GPAT3: variants seen among roughly 807,000 people sequenced by gnomAD.
GPAT3 encodes 1-AGP acyltransferase 9.
Under a neutral mutation model 58.8 loss-of-function variants are expected in GPAT3, and 53 were observed. The ratio of observed to expected loss-of-function variants is 0.90; its 90% CI spans 0.72 to 1.13. The LOEUF (loss-of-function observed/expected upper bound fraction) is 1.13. Among genes scored for constraint, GPAT3 ranks in the 50% most tolerant of loss-of-function variants. The pLI, the probability that GPAT3 is intolerant of heterozygous loss-of-function variation, is 0.00. For synonymous variants in GPAT3, 197 were observed against 187.4 expected (o/e 1.05, Z -0.42); for missense variants, 511 against 527.6 (o/e 0.97, Z 0.31).
intron 3 of GPAT3, among the ~76,000 whole-genome samples, chr4:83,582,875 A>G (rs1292575890): frequency 2.0e-5 from 3 of 152,112 alleles, no homozygotes; most frequent in East Asian, 3.9e-4. Flanking sequence ...AGCGAAATTC[A>G]AGGTTTCACA....
At chr4:83,586,845 G>T (rs1319396508) in intron 3 of GPAT3, among the ~76,000 whole-genome samples, 2 of 152,198 alleles carry the variant, frequency 1.3e-5, no homozygotes, top group Admixed American at 6.5e-5. Context: ...CTACATGGTG[G>T]TATATTTTGG....
Position 83,566,408 on chromosome 4 carries a change from AAATT to A in GPAT3, c.209-15145_209-15142del, listed in dbSNP as rs200693989. ...TTTCCTATTTATTCTTTTTTTTAAA[AAATT>A]AATTAATTTATTATTATTATTATTA... On this transcript the variant is annotated intron_variant, in intron 2 of 11. Coordinates refer to ENST00000264409, the MANE Select transcript of GPAT3 (RefSeq NM_032717.5). 7.7e-3 allele frequency among the ~76,000 whole-genome samples: 1,066 copies of A among 138,010 alleles called. 16 individuals carry two copies. The highest frequency in any genetic ancestry group is 0.028 in the African/African-American group (983 of 34,548). 90.5% of individuals were successfully genotyped at this position (138,010 alleles called of 152,430 possible).
chr4:83,554,140 T>A (rs1724862574), intron 2 of GPAT3, among the ~76,000 whole-genome samples: 2 of 152,128 alleles, frequency 1.3e-5, no homozygotes, highest in African/African-American at 4.8e-5. Flanking sequence ...ACTACAGGTA[T>A]GCACTACCAA....
rs1231636187 is a variant in GPAT3 at position 83,594,835 on chromosome 4, C to G, written c.739-10C>G. 6.2e-7 allele frequency: 1 copy of G among 1,609,712 alleles called. No individual in the cohort carries two copies. The highest frequency in any genetic ancestry group is 1.3e-5 in the African/African-American group (1 of 74,650). On this transcript the variant is annotated splice_polypyrimidine_tract_variant and intron_variant, in intron 6 of 11. Transcript: ENST00000264409. ...TTTTACGTTTTTTCCTTTTCTTATG[C>G]TACTTCTAGGTTGGCCAGGTTCATG...
intron 5 of GPAT3, 112 bp from the exon 6 acceptor site, chr4:83,590,087 G>T: frequency 1.1e-6 from 1 of 894,342 alleles, no homozygotes. Context: ...AGTGAGACGC[G>T]AAAAAAAAAA....
chr4:83,555,705 C>T (rs1724919935), intron 2 of GPAT3, among the ~76,000 whole-genome samples: 1 of 152,188 alleles, frequency 6.6e-6, no homozygotes, highest in South Asian at 2.1e-4. Context: ...ACTATGGGAA[C>T]GCTCAATTTA....
intron 2 of GPAT3, among the ~76,000 whole-genome samples, chr4:83,551,148 T>C (rs1050026923): frequency 7.9e-5 from 12 of 152,198 alleles, no homozygotes; most frequent in African/African-American, 2.4e-4. Flanking sequence ...TACAAGTGTT[T>C]ACAACCAGTG....
chr4:83,547,398 G>A (rs546953966), intron 2 of GPAT3, among the ~76,000 whole-genome samples: 23 of 151,444 alleles, frequency 1.5e-4, no homozygotes, highest in African/African-American at 3.2e-4. Context: ...GACTACAGGT[G>A]CCCGCCACCA....
chr4:83,583,901 G>A (rs1268901868), intron 3 of GPAT3, among the ~76,000 whole-genome samples: 3 of 151,972 alleles, frequency 2.0e-5, no homozygotes, highest in Admixed American at 6.6e-5. Flanking sequence ...ACTTGAACCC[G>A]GGAGGCGGAG....
At chr4:83,587,390 CA>C in intron 4 of GPAT3, 61 bp downstream of exon 4, 1 of 1,393,978 alleles carries the variant, frequency 7.2e-7, no homozygotes, top group Admixed American at 2.0e-5. Context: ...GCTGTGTCCA[CA>C]AAGAGAATAT....
intron 2 of GPAT3, among the ~76,000 whole-genome samples, chr4:83,547,246 C>CTTT (rs10618385): frequency 3.3e-3 from 268 of 82,200 alleles, no homozygotes; most frequent in Middle Eastern, 9.4e-3. Context: ...TTCTACTGCT[C>CTTT]TTTTTTTTTT....
At chr4:83,570,994 T>C (rs1217749405) in intron 2 of GPAT3, among the ~76,000 whole-genome samples, 1 of 152,198 alleles carries the variant, frequency 6.6e-6, no homozygotes, top group Non-Finnish European at 1.5e-5. Context: ...GTCCCAGTGG[T>C]ACTCTCTCTT....
At position 83,584,049 on chromosome 4, in the gene GPAT3, A is replaced by C. The variant is rs562378843; in HGVS notation, c.479+2217A>C. ...TTAATATATGGATTGGTTCGTATCC[A>C]AGGTAACCTGAAGGAAGAATGAGGA... On this transcript the variant is annotated intron_variant, in intron 3 of 11. Coordinates refer to ENST00000264409, the MANE Select transcript of GPAT3 (RefSeq NM_032717.5). Among the ~76,000 whole-genome samples, 17 of 152,310 alleles carry C rather than the reference A, an allele frequency of 1.1e-4. No homozygotes were observed. In the East Asian group the frequency reaches 3.3e-3, roughly 29 times the overall value.
At chr4:83,578,669 A>T (rs1725906511) in intron 2 of GPAT3, among the ~76,000 whole-genome samples, 2 of 152,162 alleles carry the variant, frequency 1.3e-5, no homozygotes, top group Admixed American at 1.3e-4. Flanking sequence ...GCCAGTACTT[A>T]GATTGAGTAA....
At chr4:83,575,378 TTC>T (rs995011577) in intron 2 of GPAT3, among the ~76,000 whole-genome samples, 1 of 152,128 alleles carries the variant, frequency 6.6e-6, no homozygotes, top group African/African-American at 2.4e-5. Flanking sequence ...ACATTATGTT[TTC>T]AGTCATGCTC....
intron 2 of GPAT3, among the ~76,000 whole-genome samples, chr4:83,557,132 C>T (rs1185334348): frequency 1.3e-5 from 2 of 152,208 alleles, no homozygotes; most frequent in African/African-American, 4.8e-5. Context: ...ACACACTAGT[C>T]TTGGCAGATG....
chr4:83,543,929 A>G (rs1469724179), intron 1 of GPAT3, among the ~76,000 whole-genome samples: 1 of 152,094 alleles, frequency 6.6e-6, no homozygotes, highest in Non-Finnish European at 1.5e-5. Context: ...GCATGAGCCA[A>G]TCGTGCCTTA....
At chr4:83,567,685 C>T (rs1037700055) in intron 2 of GPAT3, among the ~76,000 whole-genome samples, 2 of 152,096 alleles carry the variant, frequency 1.3e-5, no homozygotes, top group African/African-American at 4.8e-5. Context: ...GTAATCCTAG[C>T]ACTTTGGGAG....
Position 83,539,268 on chromosome 4 carries a change from G to A in GPAT3, c.141+2505G>A, listed in dbSNP as rs79829618. ...CTGCCTTTCTGTAGATTGCATTCAAGGCCTAGCCCTTGTATCACTCCTTGG... is the reference window on the plus strand; with the variant it reads ...CTGCCTTTCTGTAGATTGCATTCAAAGCCTAGCCCTTGTATCACTCCTTGG... On this transcript the variant is annotated intron_variant, in intron 1 of 11. Coordinates refer to ENST00000264409, the MANE Select transcript of GPAT3 (RefSeq NM_032717.5). 8.2e-3 allele frequency among the ~76,000 whole-genome samples: 1,249 copies of A among 152,258 alleles called. 18 individuals carry two copies. Among genetic ancestry groups the A allele is most frequent in the African/African-American group, 0.029 (1,198 of 41,536 alleles).
Sources: gnomAD v4.1 joint callset for allele counts (sites outside exome capture counted in the v4.1 genomes callset) on GRCh38, gnomAD v4.1.1 for gene constraint, MANE v1.5 for transcripts, NCBI Gene and HGNC (gene_info 2026-07-23, HGNC 2026-07-21) for gene names.